Variants in MSI2 observed in about 807,000 individuals in gnomAD.
The protein encoded by MSI2 is RNA-binding protein Musashi homolog 2.
Under a neutral mutation model 45.6 loss-of-function variants are expected in MSI2, and 17 were observed. The observed-to-expected ratio is 0.37, with a 90% CI of 0.26 to 0.56. The LOEUF is 0.56. Ranked by LOEUF, MSI2 falls within the 20% of genes least tolerant of loss-of-function variation. The pLI, the probability that MSI2 is intolerant of heterozygous loss-of-function variation, is 0.77. For synonymous variants in MSI2, 156 were observed against 158.2 expected (o/e 0.99, Z 0.11); for missense variants, 293 against 444.2 (o/e 0.66, Z 3.06).
rs1004270833 is a variant in MSI2 at position 57,684,166 on chromosome 17, A to G, written c.*4649A>G. On this transcript the variant is annotated 3_prime_UTR_variant, in exon 14 of 14. Coordinates refer to ENST00000284073, the MANE Select transcript of MSI2 (RefSeq NM_138962.4). ...CCAGAGCCTCCCTCGAAGGTTCTCT[A>G]CTACTGTATTCTGTACATAATGTAC... 4 of 215,636 alleles carry G rather than the reference A, an allele frequency of 1.9e-5. No homozygotes were observed. The highest frequency in any genetic ancestry group is 3.7e-5 in the Non-Finnish European group (4 of 106,802). 13.4% of individuals were successfully genotyped at this position (215,636 alleles called of 1,614,324 possible).
At chr17:57,546,919 G>T (rs762123327) in intron 7 of MSI2, among the ~76,000 whole-genome samples, 48 of 152,300 alleles carry the variant, frequency 3.2e-4, no homozygotes, top group Non-Finnish European at 6.0e-4. Flanking sequence ...GCCCTCCTGA[G>T]CTCATGTTCT....
chr17:57,678,693 G>T lies in MSI2; in HGVS notation c.*32-856G>T, dbSNP rs942758247. Among the ~76,000 whole-genome samples, 3 of 152,132 alleles carry T rather than the reference G, an allele frequency of 2.0e-5. No homozygotes were observed. In the South Asian group the frequency reaches 6.2e-4, roughly 32 times the overall value. On this transcript the variant is annotated intron_variant, in intron 13 of 13. Transcript: ENST00000284073. ...GGGGTGGGGTGGGGTGGAATGGGAT[G>T]GGGGAGGCTGCTACCAGCCCATCCT...
At chr17:57,565,129 G>C (rs961927739) in intron 7 of MSI2, among the ~76,000 whole-genome samples, 3 of 152,222 alleles carry the variant, frequency 2.0e-5, no homozygotes, top group Non-Finnish European at 2.9e-5. Context: ...GGTCTGACTT[G>C]AGAGCCAGGG....
chr17:57,481,568 C>T (rs975640073), intron 6 of MSI2, among the ~76,000 whole-genome samples: 3 of 152,296 alleles, frequency 2.0e-5, no homozygotes, highest in South Asian at 2.1e-4. Flanking sequence ...AGATTGTAGT[C>T]GATGATATTT....
At chr17:57,302,571 A>G (rs1458346832) in intron 5 of MSI2, among the ~76,000 whole-genome samples, 1 of 152,228 alleles carries the variant, frequency 6.6e-6, no homozygotes. Flanking sequence ...ATTAAATGAC[A>G]CAAATGGCTG....
intron 5 of MSI2, chr17:57,274,306 C>G (rs1426146836): frequency 6.6e-6 from 1 of 152,142 alleles, no homozygotes; most frequent in East Asian, 1.9e-4. Context: ...GACTCTGGAA[C>G]CAGACTTTGA....
At chr17:57,626,565 A>G (rs1371083094) in intron 9 of MSI2, 1 of 152,378 alleles carries the variant, frequency 6.6e-6, no homozygotes, top group African/African-American at 2.4e-5. Context: ...GTCTAGAAAC[A>G]ATACGCTTGT....
At chr17:57,499,197 A>G (rs2086045161) in intron 6 of MSI2, among the ~76,000 whole-genome samples, 1 of 151,832 alleles carries the variant, frequency 6.6e-6, no homozygotes, top group Admixed American at 6.6e-5. Flanking sequence ...CCAACATGGC[A>G]CAACCCCCTC....
At chr17:57,667,363 C>T (rs1912443704) in intron 11 of MSI2, among the ~76,000 whole-genome samples, 1 of 152,122 alleles carries the variant, frequency 6.6e-6, no homozygotes, top group African/African-American at 2.4e-5. Flanking sequence ...TCTTCTGAAG[C>T]GCTTTAGAGA....
chr17:57,259,638 G>T (rs1238687587), intron 4 of MSI2, among the ~76,000 whole-genome samples: 2 of 152,182 alleles, frequency 1.3e-5, no homozygotes, highest in Non-Finnish European at 2.9e-5. Context: ...ATGCAGCCCA[G>T]CCTTTTGTAC....
intron 7 of MSI2, among the ~76,000 whole-genome samples, chr17:57,568,659 C>T (rs1028371858): frequency 6.6e-6 from 1 of 152,362 alleles, no homozygotes; most frequent in East Asian, 1.9e-4. Context: ...GAGGCCTTCA[C>T]ACTAAACCCG....
At chr17:57,348,089 C>T (rs935064934) in intron 5 of MSI2, among the ~76,000 whole-genome samples, 4 of 152,318 alleles carry the variant, frequency 2.6e-5, no homozygotes, top group South Asian at 2.1e-4. Flanking sequence ...GAGAAGGTGA[C>T]GTGGCTGTAG....
At chr17:57,390,990 G>C (rs1259352020) in intron 5 of MSI2, among the ~76,000 whole-genome samples, 1 of 152,164 alleles carries the variant, frequency 6.6e-6, no homozygotes, top group Admixed American at 6.5e-5. Flanking sequence ...CTGTTTACAG[G>C]GAACTTTGAC....
chr17:57,312,600 AG>A (rs1461492525), intron 5 of MSI2, among the ~76,000 whole-genome samples: 1 of 152,212 alleles, frequency 6.6e-6, no homozygotes, highest in Non-Finnish European at 1.5e-5. Flanking sequence ...TTCATATTTC[AG>A]GTCCTGTGTG....
At chr17:57,636,661 C>G (rs1048381894) in intron 10 of MSI2, among the ~76,000 whole-genome samples, 1 of 152,186 alleles carries the variant, frequency 6.6e-6, no homozygotes, top group African/African-American at 2.4e-5. Context: ...CCTGGACGGC[C>G]CCTCATTTTC....
chr17:57,356,274 A>C (rs1448541124), intron 5 of MSI2, among the ~76,000 whole-genome samples: 1 of 152,210 alleles, frequency 6.6e-6, no homozygotes, highest in East Asian at 1.9e-4. Context: ...CCCTCTTTGC[A>C]TAACTTCTTT....
At chr17:57,556,022 T>G (rs1003951467) in intron 7 of MSI2, among the ~76,000 whole-genome samples, 2 of 152,250 alleles carry the variant, frequency 1.3e-5, no homozygotes, top group Non-Finnish European at 2.9e-5. Context: ...TGACACATTA[T>G]CTGAGTTTTG....
intron 5 of MSI2, among the ~76,000 whole-genome samples, chr17:57,373,514 A>C (rs2083450574): frequency 6.6e-6 from 1 of 152,220 alleles, no homozygotes; most frequent in Admixed American, 6.5e-5. Context: ...GTTTAAGCAG[A>C]AAGGAATTTG....
chr17:57,463,112 T>C (rs948532360), intron 6 of MSI2, among the ~76,000 whole-genome samples: 1 of 152,182 alleles, frequency 6.6e-6, no homozygotes, highest in Non-Finnish European at 1.5e-5. Flanking sequence ...GGGAGGGATA[T>C]AGATAGATAC....
Sources: allele counts gnomAD v4.1 joint callset (sites outside exome capture counted in the v4.1 genomes callset), GRCh38; gene constraint gnomAD v4.1.1; transcripts MANE v1.5; gene names NCBI Gene and HGNC (gene_info 2026-07-23, HGNC 2026-07-21).